WWP1: variants seen among roughly 807,000 people sequenced by gnomAD.
WWP1 encodes the protein NEDD4-like E3 ubiquitin-protein ligase WWP1.
A neutral mutation model predicts 130.6 loss-of-function variants in WWP1; 49 were observed. That is an observed-to-expected ratio of 0.38 (90% confidence interval 0.30 to 0.48). WWP1 has a LOEUF of 0.48. Ranked by LOEUF, WWP1 falls within the 20% of genes least tolerant of loss-of-function variation. The pLI, the probability that WWP1 is intolerant of heterozygous loss-of-function variation, is 0.99. For synonymous variants in WWP1, 332 were observed against 367.8 expected, an observed-to-expected ratio of 0.90 and a Z score of 1.11; for missense variants, 809 against 1,100.6, an observed-to-expected ratio of 0.74 and a Z score of 3.75.
chr8:86,410,704 C>CTTTTTTTTTTT (rs11422497), intron 8 of WWP1, among the ~76,000 whole-genome samples: 1 of 137,812 alleles, frequency 7.3e-6, no homozygotes. Context: ...CTTCTACTTA[C>CTTTTTTTTTTT]TTTTTTTTTT....
rs772833158 is a variant in WWP1, at chr8:86,346,601, AC to A, written c.-115+3672del. ...GGTTAAAGTGTAGTGCGATTGGTAA[AC>A]AGTTGACTTTTCTGCACCTGTAAGA... On this transcript the variant is annotated intron_variant, in intron 1 of 24. Transcript: ENST00000517970. Among the ~76,000 whole-genome samples the A allele has an allele frequency of 7.2e-5, 11 of 152,190 alleles. No homozygotes were observed. The South Asian group carries it at 1.4e-3, about 20-fold the overall frequency.
rs1812225894 is a variant in WWP1, at chr8:86,467,259, T to G, written c.*366T>G. The G allele has an allele frequency of 6.1e-6, 1 of 163,696 alleles. No individual in the cohort carries two copies. Among genetic ancestry groups the G allele is most frequent in the Admixed American group, 6.5e-5 (1 of 15,402 alleles). The allele number at this position is 163,696 out of a possible 1,614,324, so 10.1% of individuals were successfully genotyped here. On this transcript the variant is annotated 3_prime_UTR_variant, in exon 25 of 25. Coordinates refer to ENST00000517970, the MANE Select transcript of WWP1 (RefSeq NM_007013.4). ...AAAGATCTGGATTTGCTTTACCTTG[T>G]TAATATTATCTAGGGGAAAAAGTGC...
chr8:86,446,536 T>C (rs1810891331), intron 18 of WWP1, among the ~76,000 whole-genome samples: 1 of 137,116 alleles, frequency 7.3e-6, no homozygotes, highest in Non-Finnish European at 1.6e-5. Flanking sequence ...AGAAATTTTT[T>C]TGTCAAGGCT....
At chr8:86,367,817 C>T (rs1824056982) in intron 1 of WWP1, among the ~76,000 whole-genome samples, 1 of 152,156 alleles carries the variant, frequency 6.6e-6, no homozygotes, top group African/African-American at 2.4e-5. Flanking sequence ...ATTGTTGTCC[C>T]TGAGGGCTTG....
rs61141803 is a variant in WWP1 at position 86,451,214 on chromosome 8, T to TAAAAAAAAAAAAAAAAAAAAAAAAA, written c.2274-1330_2274-1306dup. ...GCAACCGAGTGAGACCCTATGTTATTAAAAAAAAAAAAAAAAAAAAAAAAA... is the reference window on the plus strand; with the variant it reads ...GCAACCGAGTGAGACCCTATGTTATTAAAAAAAAAAAAAAAAAAAAAAAAAAAAAAAAAAAAAAAAAAAAAAAAAA... On this transcript the variant is annotated intron_variant, in intron 20 of 24. Transcript: ENST00000517970. 4.6e-5 allele frequency among the ~76,000 whole-genome samples: 2 copies of TAAAAAAAAAAAAAAAAAAAAAAAAA among 43,646 alleles called. 1 individual carries two copies. The highest frequency in any genetic ancestry group is 8.5e-5 in the Non-Finnish European group (2 of 23,624). 28.6% of individuals were successfully genotyped at this position (43,646 alleles called of 152,430 possible).
At chr8:86,351,403 A>G (rs1822906743) in intron 1 of WWP1, among the ~76,000 whole-genome samples, 1 of 152,034 alleles carries the variant, frequency 6.6e-6, no homozygotes, top group East Asian at 1.9e-4. Context: ...CAATAGTGTG[A>G]TCATGGTTCA....
chr8:86,431,801 G>A, intron 14 of WWP1, 58 bp downstream of exon 14: 2 of 1,592,714 alleles, frequency 1.3e-6, no homozygotes, highest in Non-Finnish European at 1.7e-6. Flanking sequence ...ATGAGATTTA[G>A]TCTCTAATTT....
intron 1 of WWP1, among the ~76,000 whole-genome samples, chr8:86,362,068 A>ATG (rs1455057312): frequency 7.2e-6 from 1 of 138,954 alleles, no homozygotes; most frequent in African/African-American, 2.8e-5. Context: ...ACACACATAT[A>ATG]TATACACATA....
chr8:86,454,486 CAG>C (rs963749712), intron 21 of WWP1, among the ~76,000 whole-genome samples: 3 of 152,028 alleles, frequency 2.0e-5, no homozygotes, highest in African/African-American at 7.2e-5. Context: ...CACAAATTAA[CAG>C]AAACATATTA....
intron 1 of WWP1, among the ~76,000 whole-genome samples, chr8:86,354,248 A>T (rs1186347068): frequency 2.0e-5 from 3 of 152,196 alleles, no homozygotes; most frequent in Non-Finnish European, 2.9e-5. Flanking sequence ...ATACCTTCTC[A>T]TTGATGTCAG....
At position 86,467,902 on chromosome 8, in the gene WWP1, C is replaced by G. The variant is rs2130191157; in HGVS notation, c.*1009C>G. On this transcript the variant is annotated 3_prime_UTR_variant, in exon 25 of 25. Coordinates refer to ENST00000517970, the MANE Select transcript of WWP1 (RefSeq NM_007013.4). ...TTAGTGTTTGAATATCTTCATTCCT[C>G]TCAAATTCATAACAGTTCTATTTAA... 2 of 152,698 alleles carry G rather than the reference C, an allele frequency of 1.3e-5. No individual in the cohort carries two copies. Among genetic ancestry groups the G allele is most frequent in the Admixed American group, 1.3e-4 (2 of 15,308 alleles). 9.5% of individuals were successfully genotyped at this position (152,698 alleles called of 1,614,324 possible). A position where few individuals can be genotyped will look rare whatever the true frequency, so the allele number is the denominator to read the frequency against.
At chr8:86,459,023 C>CTTTTTTTTTT (rs71275853) in intron 22 of WWP1, among the ~76,000 whole-genome samples, 13 of 84,252 alleles carry the variant, frequency 1.5e-4, no homozygotes, top group East Asian at 4.1e-4. Context: ...TTTCTTTTTT[C>CTTTTTTTTTT]TTTTTTTTTT....
chr8:86,451,166 A>G (rs1811151252), intron 20 of WWP1, among the ~76,000 whole-genome samples: 1 of 140,732 alleles, frequency 7.1e-6, no homozygotes. Context: ...AAGCCCAGGG[A>G]GGTCAAGGCT....
intron 1 of WWP1, among the ~76,000 whole-genome samples, chr8:86,358,700 G>A (rs1379263011): frequency 1.3e-5 from 2 of 151,770 alleles, no homozygotes; most frequent in Admixed American, 6.6e-5. Flanking sequence ...GTAGAGACAA[G>A]GTTTTACCGT....
rs1290775102 is a variant in WWP1, at chr8:86,468,313, C to A, written c.*1420C>A. On this transcript the variant is annotated 3_prime_UTR_variant, in exon 25 of 25. Coordinates refer to ENST00000517970, the MANE Select transcript of WWP1 (RefSeq NM_007013.4). ...TTTTTCTACATATTGAGAGTGTGTT[C>A]TCCATTTTATTCAGAATTCATAGTA... The A allele has an allele frequency of 9.3e-6, 4 of 428,588 alleles. No individual in the cohort carries two copies. Among genetic ancestry groups the A allele is most frequent in the Non-Finnish European group, 4.5e-6 (1 of 219,810 alleles). The allele number at this position is 428,588 out of a possible 1,614,324, so 26.5% of individuals were successfully genotyped here. A position where few individuals can be genotyped will look rare whatever the true frequency, so the allele number is the denominator to read the frequency against.
intron 9 of WWP1, among the ~76,000 whole-genome samples, chr8:86,413,730 A>T (rs1172094488): frequency 6.6e-6 from 1 of 152,246 alleles, no homozygotes; most frequent in African/African-American, 2.4e-5. Flanking sequence ...AGGCAGCAAG[A>T]TATATAATGC....
intron 21 of WWP1, 142 bp downstream of exon 21, chr8:86,452,821 G>A (rs918730048): frequency 2.0e-5 from 21 of 1,076,798 alleles, no homozygotes; most frequent in Non-Finnish European, 2.1e-5. Context: ...TGTCAAGGTG[G>A]TATTTATTCT....
chr8:86,434,013 A>C (rs1312486694), intron 14 of WWP1, among the ~76,000 whole-genome samples: 1 of 152,034 alleles, frequency 6.6e-6, no homozygotes, highest in Admixed American at 6.5e-5. Flanking sequence ...CAACTTCAAA[A>C]CATATCTAGA....
chr8:86,414,955 T>TTA (rs1039888664), intron 9 of WWP1, among the ~76,000 whole-genome samples: 1 of 118,122 alleles, frequency 8.5e-6, no homozygotes, highest in African/African-American at 3.3e-5. Flanking sequence ...ACTGAAATAA[T>TTA]GATAGAATGT....
Sources: gnomAD v4.1 joint callset for allele counts (sites outside exome capture counted in the v4.1 genomes callset) on GRCh38, gnomAD v4.1.1 for gene constraint, MANE v1.5 for transcripts, NCBI Gene and HGNC (gene_info 2026-07-23, HGNC 2026-07-21) for gene names.